Variants in PDE9A observed in about 807,000 individuals in gnomAD.
The protein encoded by PDE9A is high affinity cGMP-specific 3',5'-cyclic phosphodiesterase 9A.
In PDE9A, 60 loss-of-function variants were observed where a neutral mutation model predicts 87.4. The observed-to-expected ratio is 0.69, with a 90% CI of 0.56 to 0.85. The LOEUF (loss-of-function observed/expected upper bound fraction) is 0.85, where lower values mean the gene tolerates loss of function less well. PDE9A is among the 40% of genes least tolerant of loss of function. The pLI is 0.00. For synonymous variants in PDE9A, 272 were observed against 279.4 expected (o/e 0.97, Z 0.27); for missense variants, 665 against 779.0 (o/e 0.85, Z 1.74).
intron 4 of PDE9A, among the ~76,000 whole-genome samples, chr21:42,710,070 T>A (rs971216473): frequency 6.6e-6 from 1 of 152,234 alleles, no homozygotes; most frequent in African/African-American, 2.4e-5. Context: ...CTGGCTCATA[T>A]GCTGTGTTTG....
At position 42,770,735 on chromosome 21, in the gene PDE9A, G is replaced by A; in HGVS notation, c.1623G>A (p.Gln541=). 2 of 1,614,098 alleles carry A rather than the reference G, an allele frequency of 1.2e-6. No individual in the cohort carries two copies. Among genetic ancestry groups the A allele is most frequent in the Non-Finnish European group, 1.7e-6 (2 of 1,179,936 alleles). ...CCATGGTTGAGGAGATCATGCTGCA[G>A]CCACTTTGGGAATCCCGAGATCGCT... ...LFPMVEEIML[Q]PLWESRDRYE... The change falls in exon 18 of 20, where the codon CAG becomes CAA. Residue 541 remains glutamine (Q), a synonymous_variant. Transcript: ENST00000291539.
At chr21:42,761,281 T>C (rs1470815499) in intron 13 of PDE9A, among the ~76,000 whole-genome samples, 2 of 152,182 alleles carry the variant, frequency 1.3e-5, no homozygotes, top group Non-Finnish European at 2.9e-5. Context: ...AGCTCGCCTC[T>C]CCCTGGGCAG....
At chr21:42,688,437 A>T (rs193188413) in intron 3 of PDE9A, among the ~76,000 whole-genome samples, 1 of 152,276 alleles carries the variant, frequency 6.6e-6, no homozygotes, top group African/African-American at 2.4e-5. Flanking sequence ...TAAGCACAGA[A>T]GGGCCAGGGA....
At chr21:42,736,378 G>T (rs1454032776) in intron 7 of PDE9A, among the ~76,000 whole-genome samples, 1 of 152,108 alleles carries the variant, frequency 6.6e-6, no homozygotes, top group African/African-American at 2.4e-5. Flanking sequence ...GAAGGAAATG[G>T]CCCATAGGAC....
rs934124791 is a variant in PDE9A, at chr21:42,702,258, G to A, written c.262+3247G>A. On this transcript the variant is annotated intron_variant, in intron 4 of 19. Transcript: ENST00000291539. The surrounding 1 kb of genome is among the most constrained non-coding windows in gnomAD (Gnocchi z 4.9). ...CAGTATCTAGTCTGCTGTTAATCTC[G>A]TTCAGTGAAATTTTCATTTCAGATA... Among the ~76,000 whole-genome samples the A allele has an allele frequency of 2.0e-5, 3 of 151,380 alleles. No homozygotes were observed. The highest frequency in any genetic ancestry group is 7.3e-5 in the African/African-American group (3 of 41,160).
chr21:42,674,220 A>T (rs1471023012), intron 1 of PDE9A, among the ~76,000 whole-genome samples: 1 of 150,326 alleles, frequency 6.7e-6, no homozygotes, highest in Non-Finnish European at 1.5e-5. Flanking sequence ...CAGACACGAC[A>T]CCCTTCCTCA....
intron 1 of PDE9A, among the ~76,000 whole-genome samples, chr21:42,656,725 G>A (rs2057101977): frequency 6.6e-6 from 1 of 152,192 alleles, no homozygotes; most frequent in African/African-American, 2.4e-5. Flanking sequence ...TCCTTCAGAG[G>A]TTGTGCAGAG....
chr21:42,683,400 T>G (rs1293615212), intron 1 of PDE9A, among the ~76,000 whole-genome samples: 1 of 152,248 alleles, frequency 6.6e-6, no homozygotes, highest in African/African-American at 2.4e-5. Context: ...GCCTCCAGCC[T>G]GGTGCAGAAC....
At chr21:42,710,408 CAAAAA>C in intron 4 of PDE9A, among the ~76,000 whole-genome samples, 1 of 110,738 alleles carries the variant, frequency 9.0e-6, no homozygotes, top group African/African-American at 3.1e-5. Flanking sequence ...GACTCCATCT[CAAAAA>C]AAAAAAAAAA....
intron 4 of PDE9A, among the ~76,000 whole-genome samples, chr21:42,720,631 A>G (rs373594016): frequency 2.0e-5 from 3 of 152,240 alleles, no homozygotes; most frequent in African/African-American, 4.8e-5. Flanking sequence ...AAATAGGAAC[A>G]TGGTGGAGTA....
intron 4 of PDE9A, among the ~76,000 whole-genome samples, chr21:42,716,786 T>C (rs553688197): frequency 1.0e-4 from 12 of 119,964 alleles, no homozygotes; most frequent in Admixed American, 7.1e-4. Context: ...AGTCTCACTC[T>C]CTTGCCCAGG....
In PDE9A at chr21:42,760,347, A is replaced by G; in HGVS notation, c.917A>G (p.Tyr306Cys). The change falls in exon 12 of 20, where the codon TAC (tyrosine) becomes TGC (cysteine). Residue 306 changes from tyrosine to cysteine, a missense_variant. By Grantham distance (194) the Tyr-to-Cys change is radical. Coordinates refer to ENST00000291539, the MANE Select transcript of PDE9A (RefSeq NM_002606.3). This position sits in a 1 kb window ranked among gnomAD's most constrained non-coding sequence, Gnocchi z 5.2. ...CCGCAGTTCTGCGTCCACGACAACTACAGAAACAACCCCTTCCACAACTTC... is the reference window on the plus strand; with the variant it reads ...CCGCAGTTCTGCGTCCACGACAACTGCAGAAACAACCCCTTCCACAACTTC... ...RRWLFCVHDN[Y>C]RNNPFHNFRH... 1 of 1,608,252 alleles carries G rather than the reference A, an allele frequency of 6.2e-7. No individual in the cohort carries two copies. Among genetic ancestry groups the G allele is most frequent in the Non-Finnish European group, 8.5e-7 (1 of 1,177,726 alleles).
chr21:42,738,257 T>G (rs1407750717), intron 7 of PDE9A, among the ~76,000 whole-genome samples: 2 of 152,236 alleles, frequency 1.3e-5, no homozygotes. Context: ...GCCCAGAGCC[T>G]GGATGCTAGA....
chr21:42,697,113 G>A (rs1315699569), intron 3 of PDE9A, among the ~76,000 whole-genome samples: 1 of 152,036 alleles, frequency 6.6e-6, no homozygotes, highest in Non-Finnish European at 1.5e-5. Context: ...GTCATTCATA[G>A]GGTGAGGGGA....
chr21:42,773,826 C>G (rs377412407), intron 19 of PDE9A, among the ~76,000 whole-genome samples: 1 of 146,212 alleles, frequency 6.8e-6, no homozygotes. Context: ...ATAAATAAGC[C>G]GGGCGCAGTG....
chr21:42,722,029 G>A lies in PDE9A; in HGVS notation c.263-9741G>A, dbSNP rs141535992. Among the ~76,000 whole-genome samples the A allele has an allele frequency of 0.011, 1,703 of 151,340 alleles. 24 individuals are homozygous for A. Among genetic ancestry groups the A allele is most frequent in the African/African-American group, 0.039 (1,623 of 41,208 alleles). ...TCTTGCTCTGTCACCAGGCTGGAGTGCAGTGGCACAATCTCAGCTCACTGC... is the reference window on the plus strand; with the variant it reads ...TCTTGCTCTGTCACCAGGCTGGAGTACAGTGGCACAATCTCAGCTCACTGC... On this transcript the variant is annotated intron_variant, in intron 4 of 19. Coordinates refer to ENST00000291539, the MANE Select transcript of PDE9A (RefSeq NM_002606.3). This position sits in a 1 kb window ranked among gnomAD's most constrained non-coding sequence, Gnocchi z 4.1.
At chr21:42,709,690 C>T (rs55855803) in intron 4 of PDE9A, among the ~76,000 whole-genome samples, 32 of 152,072 alleles carry the variant, frequency 2.1e-4, no homozygotes, top group Non-Finnish European at 4.3e-4. Flanking sequence ...TGTGTGTGTG[C>T]GTTTGTTTTT....
At chr21:42,658,248 C>A (rs1039242931) in intron 1 of PDE9A, among the ~76,000 whole-genome samples, 1 of 152,210 alleles carries the variant, frequency 6.6e-6, no homozygotes, top group African/African-American at 2.4e-5. Context: ...AGGTCCTCCC[C>A]GCAGTGCTTG....
At chr21:42,670,155 ACG>A (rs201592647) in intron 1 of PDE9A, among the ~76,000 whole-genome samples, 1 of 143,356 alleles carries the variant, frequency 7.0e-6, no homozygotes, top group Non-Finnish European at 1.6e-5. Context: ...ACACATTCAC[ACG>A]CACACACATT....
Sources: allele counts gnomAD v4.1 joint callset (sites outside exome capture counted in the v4.1 genomes callset), GRCh38; gene constraint gnomAD v4.1.1; non-coding constraint Gnocchi (gnomAD v3.1); transcripts MANE v1.5; gene names NCBI Gene and HGNC (gene_info 2026-07-23, HGNC 2026-07-21).